SCFD1: variants seen among roughly 807,000 people sequenced by gnomAD.
The protein encoded by SCFD1 is sec1 family domain-containing protein 1.
A neutral mutation model predicts 103.2 loss-of-function variants in SCFD1; 37 were observed. That is an observed-to-expected ratio of 0.36 (90% CI 0.28 to 0.47). SCFD1 has a LOEUF of 0.47. Among genes scored for constraint, SCFD1 ranks in the 20% least tolerant of loss-of-function variants. The pLI, the probability that SCFD1 is intolerant of heterozygous loss-of-function variation, is 1.00. For missense variants in SCFD1, 639 were observed against 761.2 expected, an observed-to-expected ratio of 0.84 and a Z score of 1.89; for synonymous variants, 264 against 245.0, an observed-to-expected ratio of 1.08 and a Z score of -0.73.
At chr14:30,631,544 AG>A (rs1367647767) in intron 3 of SCFD1, among the ~76,000 whole-genome samples, 2 of 152,156 alleles carry the variant, frequency 1.3e-5, no homozygotes, top group Non-Finnish European at 2.9e-5. Flanking sequence ...ATTGTAAGTC[AG>A]GGAGTGTCTA....
Position 30,719,397 on chromosome 14 carries a change from T to C in SCFD1, c.1736+20T>C, listed in dbSNP as rs372789670. 37 of 1,589,530 alleles carry C rather than the reference T, an allele frequency of 2.3e-5. No homozygotes were observed. The highest frequency in any genetic ancestry group is 3.1e-5 in the Non-Finnish European group (36 of 1,165,156). On this transcript the variant is annotated intron_variant, in intron 21 of 24. Coordinates refer to ENST00000458591, the MANE Select transcript of SCFD1 (RefSeq NM_016106.4). Reference sequence around the variant, plus strand: ...TGACAGGTAAGCAGCTTTTGTCTTGTTTAACTTGTGGATTTTTTCCCCTCG... The same window carrying C: ...TGACAGGTAAGCAGCTTTTGTCTTGCTTAACTTGTGGATTTTTTCCCCTCG...
At chr14:30,647,554 T>C (rs1885962900) in intron 7 of SCFD1, among the ~76,000 whole-genome samples, 1 of 152,198 alleles carries the variant, frequency 6.6e-6, no homozygotes. Context: ...CCCTCCAGTT[T>C]CTGCCTGCTT....
intron 19 of SCFD1, among the ~76,000 whole-genome samples, chr14:30,708,502 CTCAGAGCTCTG>C (rs1245818017): frequency 6.7e-6 from 1 of 149,566 alleles, no homozygotes; most frequent in Non-Finnish European, 1.5e-5. Context: ...ACATGTGTAG[CTCAGAGCTCTG>C]TAATTTTATA....
intron 10 of SCFD1, among the ~76,000 whole-genome samples, chr14:30,667,430 CA>C (rs1888091347): frequency 6.6e-6 from 1 of 152,148 alleles, no homozygotes; most frequent in Admixed American, 6.5e-5. Context: ...CTATTTATGA[CA>C]AACCTACAGC....
chr14:30,724,786 C>G (rs992012247), intron 23 of SCFD1, among the ~76,000 whole-genome samples: 8 of 152,076 alleles, frequency 5.3e-5, no homozygotes, highest in Non-Finnish European at 7.4e-5. Context: ...ATGATATTGC[C>G]TAGGTTGTCT....
intron 1 of SCFD1, among the ~76,000 whole-genome samples, chr14:30,622,782 T>A (rs1037969283): frequency 6.6e-6 from 1 of 152,194 alleles, no homozygotes; most frequent in Non-Finnish European, 1.5e-5. Context: ...AACTCCCATT[T>A]TCTGACACTC....
chr14:30,685,191 T>A, intron 14 of SCFD1, among the ~76,000 whole-genome samples: 1 of 13,556 alleles, frequency 7.4e-5, no homozygotes, highest in East Asian at 2.5e-3. Flanking sequence ...GTGCCACATT[T>A]TCTTAATCCA....
intron 14 of SCFD1, chr14:30,682,961 A>G: frequency 1.7e-6 from 1 of 604,236 alleles, no homozygotes; most frequent in Non-Finnish European, 2.8e-6. Context: ...CATGATACAG[A>G]GTCTATACAG....
chr14:30,622,731 T>G (rs942382192), intron 1 of SCFD1, among the ~76,000 whole-genome samples: 2 of 152,212 alleles, frequency 1.3e-5, no homozygotes, highest in African/African-American at 4.8e-5. Flanking sequence ...TCTCCGAGTT[T>G]CTGTGCGTGG....
chr14:30,690,771 C>A (rs1445584700), intron 14 of SCFD1, among the ~76,000 whole-genome samples: 3 of 152,094 alleles, frequency 2.0e-5, no homozygotes, highest in African/African-American at 7.2e-5. Context: ...CACCCGTCTT[C>A]TGCGTCGCTC....
intron 15 of SCFD1, among the ~76,000 whole-genome samples, chr14:30,699,205 A>T (rs1311730887): frequency 2.0e-5 from 3 of 152,162 alleles, no homozygotes; most frequent in Non-Finnish European, 4.4e-5. Flanking sequence ...TTATTTTACC[A>T]TTCTTTGTCA....
chr14:30,644,198 A>G (rs992214692), intron 7 of SCFD1, among the ~76,000 whole-genome samples: 3 of 152,252 alleles, frequency 2.0e-5, no homozygotes. Context: ...TTATGGCTCT[A>G]TAAGTATTCC....
chr14:30,646,957 T>C (rs1428498239), intron 7 of SCFD1, among the ~76,000 whole-genome samples: 1 of 152,170 alleles, frequency 6.6e-6, no homozygotes, highest in Non-Finnish European at 1.5e-5. Context: ...TCGATGATAA[T>C]GTTACCCTTG....
At chr14:30,710,731 A>G (rs570383137) in intron 19 of SCFD1, among the ~76,000 whole-genome samples, 1 of 152,302 alleles carries the variant, frequency 6.6e-6, no homozygotes, top group East Asian at 1.9e-4. Flanking sequence ...TTACCCTTAT[A>G]TTCTAAAATT....
intron 7 of SCFD1, among the ~76,000 whole-genome samples, chr14:30,649,256 C>G (rs774750766): frequency 2.0e-5 from 3 of 152,016 alleles, no homozygotes; most frequent in African/African-American, 7.3e-5. Flanking sequence ...CTTTTGAGTA[C>G]AGTGTTCACT....
chr14:30,659,440 T>A (rs230346), intron 10 of SCFD1, among the ~76,000 whole-genome samples: 1,770 of 152,318 alleles, frequency 0.012, 33 homozygotes, highest in African/African-American at 0.04. Flanking sequence ...CCTGTGACTA[T>A]TGGCGACTGT....
At chr14:30,706,513 A>G (rs941402484) in intron 18 of SCFD1, among the ~76,000 whole-genome samples, 2 of 152,200 alleles carry the variant, frequency 1.3e-5, no homozygotes, top group Admixed American at 1.3e-4. Context: ...TCATTTTCAG[A>G]AAACATTTGA....
intron 14 of SCFD1, among the ~76,000 whole-genome samples, chr14:30,677,768 C>G (rs1594679456): frequency 6.6e-6 from 1 of 150,674 alleles, no homozygotes; most frequent in Non-Finnish European, 1.5e-5. Context: ...TCTCTTTTCA[C>G]CAGAATTTCT....
rs1888417652 is a variant in SCFD1, at chr14:30,670,308, C to G, written c.908C>G (p.Ser303Cys). The G allele has an allele frequency of 6.3e-7, 1 of 1,597,254 alleles. No homozygotes were observed. The highest frequency in any genetic ancestry group is 1.1e-5 in the South Asian group (1 of 87,650). ...NLEESSGVEN[S>C]PAGARPKRKN... ...GAAGAATCTTCAGGAGTGGAAAACT[C>G]TCCAGCTGGTGCTAGACCAAAGAGA... The change falls in exon 11 of 25, where the codon TCT becomes TGT. Residue 303 changes from serine (S) to cysteine (C), a missense_variant. Ser to Cys is a moderately radical substitution (Grantham distance 112, BLOSUM62 -1). Transcript: ENST00000458591.
Sources: allele counts gnomAD v4.1 joint callset (sites outside exome capture counted in the v4.1 genomes callset), GRCh38; gene constraint gnomAD v4.1.1; transcripts MANE v1.5; gene names NCBI Gene and HGNC (gene_info 2026-07-23, HGNC 2026-07-21).